PGR: variants seen among roughly 807,000 people sequenced by gnomAD.
The protein encoded by PGR is progesterone receptor, also known as nuclear receptor subfamily 3 group C member 3.
In PGR, 25 loss-of-function variants were observed where a neutral mutation model predicts 76.1. That is an observed-to-expected ratio of 0.33 (90% CI 0.24 to 0.46). The LOEUF is 0.46. Among genes scored for constraint, PGR ranks in the 20% least tolerant of loss-of-function variants. The probability of loss-of-function intolerance (pLI) is 1.00; values close to 1 mark genes in which losing one functional copy is unlikely to be tolerated. For synonymous variants in PGR, 579 were observed against 535.0 expected (o/e 1.08, Z -1.14); for missense variants, 1,172 against 1,225.3 (o/e 0.96, Z 0.65).
intron 6 of PGR, among the ~76,000 whole-genome samples, chr11:101,043,447 G>A (rs1174811177): frequency 6.6e-6 from 1 of 152,114 alleles, no homozygotes; most frequent in Non-Finnish European, 1.5e-5. Context: ...TCAAAGTCAT[G>A]CAAGAGGGAT....
intron 3 of PGR, among the ~76,000 whole-genome samples, chr11:101,087,298 C>T (rs1388444793): frequency 6.6e-6 from 1 of 152,172 alleles, no homozygotes; most frequent in Non-Finnish European, 1.5e-5. Flanking sequence ...GCCATCTGAT[C>T]TTTGACAATG....
chr11:101,104,273 C>T (rs960640956), intron 2 of PGR, among the ~76,000 whole-genome samples: 8 of 152,164 alleles, frequency 5.3e-5, no homozygotes, highest in African/African-American at 1.9e-4. Flanking sequence ...CTCTATTCAT[C>T]GTATCTGTTG....
At chr11:101,076,707 A>G (rs1861139235) in intron 3 of PGR, among the ~76,000 whole-genome samples, 1 of 151,760 alleles carries the variant, frequency 6.6e-6, no homozygotes, top group Non-Finnish European at 1.5e-5. Flanking sequence ...TAACCTAAAA[A>G]TAAAAATTTT....
intron 2 of PGR, among the ~76,000 whole-genome samples, chr11:101,113,471 C>T (rs1360462274): frequency 3.3e-5 from 5 of 151,466 alleles, no homozygotes; most frequent in African/African-American, 7.3e-5. Flanking sequence ...TTTCTTTCAC[C>T]GTGTTAGCCA....
In PGR at chr11:101,128,430, G is replaced by C. The variant is rs1050185598; in HGVS notation, c.641C>G (p.Pro214Arg). The C allele has an allele frequency of 6.2e-7, 1 of 1,610,602 alleles. No individual in the cohort carries two copies. Among genetic ancestry groups the C allele is most frequent in the Non-Finnish European group, 8.5e-7 (1 of 1,179,834 alleles). ...CTCAACCTCCACCGCAGCGGCCTGC[G>C]GAGACGGCTTCACTGGGGCCCCGGA... is the stretch of plus-strand genomic sequence containing the variant. ...HWSGAPVKPS[P>R]QAAAVEVEEE... The change falls in exon 1 of 8, where the codon CCG becomes CGG. Residue 214 changes from proline (P) to arginine (R), a missense_variant. By Grantham distance (103) the Pro-to-Arg change is moderately radical. Around this residue, in one of 4 missense-constraint regions of PGR, gnomAD observed 893 missense variants for 785.9 expected, o/e 1.14. Transcript: ENST00000325455.
At chr11:101,083,040 G>A (rs1483965153) in intron 3 of PGR, among the ~76,000 whole-genome samples, 1 of 152,186 alleles carries the variant, frequency 6.6e-6, no homozygotes, top group Non-Finnish European at 1.5e-5. Flanking sequence ...AGGGATTAAT[G>A]GTTTTGAGGG....
At chr11:101,116,999 CTCTTTT>C (rs1418609598) in intron 2 of PGR, among the ~76,000 whole-genome samples, 1 of 152,088 alleles carries the variant, frequency 6.6e-6, no homozygotes, top group Non-Finnish European at 1.5e-5. Flanking sequence ...ATTTGCTAAT[CTCTTTT>C]TAACAGACAT....
chr11:101,117,261 T>C (rs1862539680), intron 2 of PGR, among the ~76,000 whole-genome samples: 1 of 152,182 alleles, frequency 6.6e-6, no homozygotes, highest in Non-Finnish European at 1.5e-5. Flanking sequence ...TCAGTAATGC[T>C]TATTAGTGAG....
chr11:101,111,753 G>C lies in PGR; in HGVS notation c.1789+14254C>G, dbSNP rs144697700. 1.6e-3 allele frequency among the ~76,000 whole-genome samples: 248 copies of C among 152,294 alleles called. 1 individual carries two copies. Among genetic ancestry groups the C allele is most frequent in the African/African-American group, 5.7e-3 (237 of 41,576 alleles). Reference sequence around the variant, plus strand: ...CCAACTTTGGGATGTGTTGGTTTGAGATATTCAGTCTGGAGTTCAGGGGAA... The same window carrying C: ...CCAACTTTGGGATGTGTTGGTTTGACATATTCAGTCTGGAGTTCAGGGGAA... On this transcript the variant is annotated intron_variant, in intron 2 of 7. Coordinates refer to ENST00000325455, the MANE Select transcript of PGR (RefSeq NM_000926.4).
intron 6 of PGR, among the ~76,000 whole-genome samples, chr11:101,042,389 C>T (rs917443044): frequency 6.6e-6 from 1 of 152,080 alleles, no homozygotes; most frequent in Non-Finnish European, 1.5e-5. Context: ...TTAGCATTTG[C>T]TCAAAAGAGA....
chr11:101,122,152 CAA>C (rs56163757), intron 2 of PGR, among the ~76,000 whole-genome samples: 5 of 102,354 alleles, frequency 4.9e-5, no homozygotes, highest in Admixed American at 1.1e-4. Context: ...GACTCCGTCT[CAA>C]AAAAAAAAAA....
intron 2 of PGR, among the ~76,000 whole-genome samples, chr11:101,107,615 T>C (rs1862205860): frequency 1.3e-5 from 2 of 152,136 alleles, no homozygotes; most frequent in Admixed American, 1.3e-4. Context: ...ACAAAACTAT[T>C]TGTCAACAAA....
rs544873496 is a variant in PGR at position 101,033,827 on chromosome 11, C to T, written c.*5289G>A. The T allele has an allele frequency of 1.9e-5, 4 of 208,848 alleles. No individual in the cohort carries two copies. The South Asian group carries it at 7.6e-4, about 39-fold the overall frequency. 12.9% of individuals were successfully genotyped at this position (208,848 alleles called of 1,614,324 possible). On this transcript the variant is annotated 3_prime_UTR_variant, in exon 8 of 8. Transcript: ENST00000325455. ...GATCAGAAACTTAACATATAACTGA[C>T]AAGACAAAAACATTTAACTGGGCTT...
rs182286817 is a variant in PGR at position 101,085,392 on chromosome 11, A to G, written c.1906+6368T>C. On this transcript the variant is annotated intron_variant, in intron 3 of 7. Transcript: ENST00000325455. Reference sequence around the variant, plus strand: ...TAAAAAAAAATTAAAATAAATGAAAACAGACACAACATACCAAAATCTCTG... The same window carrying G: ...TAAAAAAAAATTAAAATAAATGAAAGCAGACACAACATACCAAAATCTCTG... Among the ~76,000 whole-genome samples, 9 of 152,086 alleles carry G rather than the reference A, an allele frequency of 5.9e-5. No individual in the cohort carries two copies. The East Asian group carries it at 1.5e-3, about 26-fold the overall frequency.
At chr11:101,041,070 G>A (rs891297847) in intron 7 of PGR, among the ~76,000 whole-genome samples, 4 of 127,888 alleles carry the variant, frequency 3.1e-5, no homozygotes, top group African/African-American at 1.0e-4. Context: ...CTGTTCTCAT[G>A]TCATGGATAC....
At chr11:101,065,493 C>T (rs1308044525) in intron 3 of PGR, among the ~76,000 whole-genome samples, 1 of 152,072 alleles carries the variant, frequency 6.6e-6, no homozygotes, top group Non-Finnish European at 1.5e-5. Flanking sequence ...GTACTCTTAG[C>T]ATTTGTTGAT....
At chr11:101,079,947 T>G (rs1485548898) in intron 3 of PGR, among the ~76,000 whole-genome samples, 1 of 152,048 alleles carries the variant, frequency 6.6e-6, no homozygotes, top group East Asian at 1.9e-4. Context: ...ATCAGGAGCT[T>G]AGGATGCCTC....
At chr11:101,087,573 T>G (rs1472279800) in intron 3 of PGR, among the ~76,000 whole-genome samples, 1 of 152,060 alleles carries the variant, frequency 6.6e-6, no homozygotes, top group East Asian at 1.9e-4. Flanking sequence ...AAAACAAAAA[T>G]TAACAAGTGA....
At chr11:101,041,466 T>C (rs944122669) in intron 7 of PGR, among the ~76,000 whole-genome samples, 4 of 152,134 alleles carry the variant, frequency 2.6e-5, no homozygotes, top group Non-Finnish European at 4.4e-5. Context: ...ATTACATTTG[T>C]CTAATTATTT....
Sources: gnomAD v4.1 joint callset for allele counts (sites outside exome capture counted in the v4.1 genomes callset) on GRCh38, gnomAD v4.1.1 for gene constraint, gnomAD v4.1.1 regional missense constraint, MANE v1.5 for transcripts, NCBI Gene and HGNC (gene_info 2026-07-23, HGNC 2026-07-21) for gene names.